SURF4: variants seen among roughly 807,000 people sequenced by gnomAD.
SURF4 encodes surfeit 4.
A neutral mutation model predicts 30.0 loss-of-function variants in SURF4; 3 were observed. That is an observed-to-expected ratio of 0.10 (90% confidence interval 0.05 to 0.26). The LOEUF is 0.26. SURF4 is among the 10% of genes least tolerant of loss of function. SURF4 has a pLI of 1.00. For synonymous variants in SURF4, 143 were observed against 139.9 expected, an observed-to-expected ratio of 1.02 and a Z score of -0.16; for missense variants, 217 against 350.8, an observed-to-expected ratio of 0.62 and a Z score of 3.05.
At chr9:133,370,929 G>T in intron 1 of SURF4, 1 of 1,289,740 alleles carries the variant, frequency 7.8e-7, no homozygotes, top group Non-Finnish European at 1.0e-6. Flanking sequence ...CATCAAGCAG[G>T]ATATGGTTCA....
upstream of SURF4, chr9:133,376,566 G>A (rs2130249546): frequency 2.6e-5 from 41 of 1,589,342 alleles, no homozygotes; most frequent in Non-Finnish European, 3.4e-5. Context: ...ACCAGGTGCC[G>A]AGTGTTCCCT....
At chr9:133,372,174 G>C (rs1441894377) in intron 1 of SURF4, among the ~76,000 whole-genome samples, 1 of 152,210 alleles carries the variant, frequency 6.6e-6, no homozygotes, top group Non-Finnish European at 1.5e-5. Context: ...AGTTTCTACA[G>C]AGCATGGCTC....
rs1409882624 is a variant in SURF4, at chr9:133,375,937, C to T, written c.33G>A (p.Glu11=). ...CAGGCCGCACCTGGTCGGCGAAGTC[C>T]TCGGCCGTGCCCATCAGGTCGTTCT... The part of the protein sequence containing the change: MGQNDLMGTA[E]DFADQFLRVT... Residue 11 remains glutamate (E), a synonymous_variant, in exon 1 of 6, where the codon GAG becomes GAA. Transcript: ENST00000371989. The T allele has an allele frequency of 8.1e-7, 1 of 1,232,734 alleles. No individual in the cohort carries two copies. Among genetic ancestry groups the T allele is most frequent in the Non-Finnish European group, 1.0e-6 (1 of 984,000 alleles). The allele number at this position is 1,232,734 out of a possible 1,614,324, so 76.4% of individuals were successfully genotyped here.
intron 1 of SURF4, among the ~76,000 whole-genome samples, chr9:133,368,244 G>T (rs1369754109): frequency 6.6e-6 from 1 of 152,218 alleles, no homozygotes; most frequent in Non-Finnish European, 1.5e-5. Context: ...ACAGAACAAG[G>T]GTTGGCTTAG....
At chr9:133,364,119 TC>T (rs1157470320) in intron 5 of SURF4, among the ~76,000 whole-genome samples, 2 of 152,194 alleles carry the variant, frequency 1.3e-5, no homozygotes, top group Non-Finnish European at 2.9e-5. Flanking sequence ...CAGGAGCTCT[TC>T]CTGGACACTA....
chr9:133,372,611 A>G (rs1380636324), intron 1 of SURF4: 6 of 985,296 alleles, frequency 6.1e-6, no homozygotes, highest in Non-Finnish European at 7.2e-6. Context: ...AGCAGCCCAC[A>G]CTTTCTGGTC....
intron 3 of SURF4, 199 bp from the exon 4 acceptor site, chr9:133,366,227 G>A: frequency 3.3e-6 from 2 of 606,174 alleles, no homozygotes; most frequent in Non-Finnish European, 5.8e-6. Context: ...ATGTTCCAGA[G>A]AACAAAGTGA....
intron 1 of SURF4, chr9:133,372,572 G>A (rs1314994662): frequency 1.9e-5 from 19 of 984,766 alleles, no homozygotes; most frequent in Non-Finnish European, 2.3e-5. Flanking sequence ...CTGGGCCTGG[G>A]AAACTAAGCT....
chr9:133,367,761 C>T lies in SURF4; in HGVS notation c.49-316G>A, dbSNP rs2130150051. On this transcript the variant is annotated intron_variant, in intron 1 of 5. Coordinates refer to ENST00000371989, the MANE Select transcript of SURF4 (RefSeq NM_033161.4). Reference sequence around the variant, plus strand: ...GCTACCGTGATTTCCCCCAGTGCCTCGGCAGGCAACTACAGTCTTCCAAGG... The same window carrying T: ...GCTACCGTGATTTCCCCCAGTGCCTTGGCAGGCAACTACAGTCTTCCAAGG... 5.9e-5 allele frequency among the ~76,000 whole-genome samples: 9 copies of T among 152,370 alleles called. 1 individual carries two copies. In the South Asian group the frequency reaches 1.7e-3, roughly 28 times the overall value.
upstream of SURF4, chr9:133,376,363 C>A (rs972842662): frequency 1.4e-6 from 2 of 1,397,268 alleles, no homozygotes; most frequent in Non-Finnish European, 9.4e-7. Context: ...GGGAGGGACG[C>A]CTGAGTGCCT....
chr9:133,374,790 G>A (rs1837766388), intron 1 of SURF4, among the ~76,000 whole-genome samples: 1 of 152,024 alleles, frequency 6.6e-6, no homozygotes, highest in Non-Finnish European at 1.5e-5. Context: ...TCAGAAAACG[G>A]TCACTTACTC....
chr9:133,375,387 A>T, intron 1 of SURF4: 1 of 985,662 alleles, frequency 1.0e-6, no homozygotes, highest in Middle Eastern at 5.2e-4. Context: ...AGTCCAGCAC[A>T]TCTGGGAAAG....
Position 133,363,815 on chromosome 9 carries a change from T to A in SURF4, c.544-56A>T. 6.2e-7 allele frequency: 1 copy of A among 1,606,852 alleles called. No homozygotes were observed. The highest frequency in any genetic ancestry group is 1.7e-5 in the Admixed American group (1 of 59,864). On this transcript the variant is annotated intron_variant, in intron 5 of 5. Coordinates refer to ENST00000371989, the MANE Select transcript of SURF4 (RefSeq NM_033161.4). This position sits in a 1 kb window ranked among gnomAD's most constrained non-coding sequence, Gnocchi z 4.3. ...ATAAATGTGAGGAAAAGAGATGCTT[T>A]ATAAACAAAAGTTCCAGCTGCTGCA...
In SURF4 at chr9:133,361,740, T is replaced by G. The variant is rs1836816912; in HGVS notation, c.*1753A>C. The G allele has an allele frequency of 6.5e-6, 1 of 152,854 alleles. No individual in the cohort carries two copies. Among genetic ancestry groups the G allele is most frequent in the Admixed American group, 6.5e-5 (1 of 15,358 alleles). The allele number at this position is 152,854 out of a possible 1,614,324, so 9.5% of individuals were successfully genotyped here. A position where few individuals can be genotyped will look rare whatever the true frequency, so the allele number is the denominator to read the frequency against. ...GGAGGCGCTGCTGGTGCAGAACTGG[T>G]GCTGACTGCTCACGTGGCCTCCTTT... is the stretch of plus-strand genomic sequence containing the variant. On this transcript the variant is annotated 3_prime_UTR_variant, in exon 6 of 6. Coordinates refer to ENST00000371989, the MANE Select transcript of SURF4 (RefSeq NM_033161.4).
rs1383433334 is a variant in SURF4, at chr9:133,367,275, G to T, written c.219C>A (p.Asn73Lys). The change falls in exon 2 of 6, where the codon AAC (asparagine) becomes AAA (lysine). Residue 73 changes from asparagine to lysine, a missense_variant. Physicochemically the swap from Asn to Lys is moderately conservative, Grantham distance 94 (BLOSUM62 0). Transcript: ENST00000371989. The stretch of plus-strand genomic sequence containing the variant: ...GCCACTCACTCAGCTGTCCCAGCAA[G>T]TTGAGGAAGACGAAGGACGAGGCCA... The part of the protein sequence containing the change: ...YLLASSFVFL[N>K]LLGQLTGCVL... 1 of 1,614,034 alleles carries T rather than the reference G, an allele frequency of 6.2e-7. No individual in the cohort carries two copies. Among genetic ancestry groups the T allele is most frequent in the Non-Finnish European group, 8.5e-7 (1 of 1,179,984 alleles).
At chr9:133,374,038 A>G (rs117509822) in intron 1 of SURF4, among the ~76,000 whole-genome samples, 3,207 of 151,772 alleles carry the variant, frequency 0.021, 47 homozygotes, top group Non-Finnish European at 0.032. Flanking sequence ...CATTTGATCT[A>G]GATTTGGTTA....
At chr9:133,376,331 T>TG (rs2130246766), upstream of SURF4, 37 of 1,364,844 alleles carry the variant, frequency 2.7e-5, 1 homozygote, top group East Asian at 1.2e-4. Context: ...GGCGGGGACC[T>TG]GGGGGTCTGG....
upstream of SURF4, chr9:133,376,495 C>A (rs1339552371): frequency 1.3e-6 from 2 of 1,596,102 alleles, no homozygotes; most frequent in African/African-American, 1.3e-5. Flanking sequence ...AGGGTCCAAT[C>A]GCAGGCGCCC....
At chr9:133,373,236 C>T (rs1451646253) in intron 1 of SURF4, among the ~76,000 whole-genome samples, 1 of 152,128 alleles carries the variant, frequency 6.6e-6, no homozygotes, top group African/African-American at 2.4e-5. Context: ...TGGGAGAGGT[C>T]GACTCTGTGC....
Sources: allele counts gnomAD v4.1 joint callset (sites outside exome capture counted in the v4.1 genomes callset), GRCh38; gene constraint gnomAD v4.1.1; non-coding constraint Gnocchi (gnomAD v3.1); transcripts MANE v1.5; gene names NCBI Gene and HGNC (gene_info 2026-07-23, HGNC 2026-07-21).